Variants in LMNA observed in about 807,000 individuals in gnomAD.
The protein encoded by LMNA is lamin.
Under a neutral mutation model 70.4 loss-of-function variants are expected in LMNA, and 20 were observed. That is an observed-to-expected ratio of 0.28 (90% CI 0.20 to 0.41). The LOEUF is 0.41. Ranked by LOEUF, LMNA falls within the 10% of genes least tolerant of loss-of-function variation. The pLI is 1.00. For missense variants in LMNA, 652 were observed against 917.2 expected, an observed-to-expected ratio of 0.71 and a Z score of 3.73; for synonymous variants, 339 against 372.8, an observed-to-expected ratio of 0.91 and a Z score of 1.04.
In LMNA at chr1:156,137,489, G is replaced by T; in HGVS notation, c.1609-165G>T. 1.3e-6 allele frequency: 1 copy of T among 797,534 alleles called. No homozygotes were observed. The allele number at this position is 797,534 out of a possible 1,614,324, so 49.4% of individuals were successfully genotyped here. A position where few individuals can be genotyped will look rare whatever the true frequency, so the allele number is the denominator to read the frequency against. The stretch of plus-strand genomic sequence containing the variant: ...CGGAGAGCTTGACAGTGTCCCTCTG[G>T]GGTGGAAATGAGTTCCTTAGCTCCA... On this transcript the variant is annotated intron_variant, in intron 9 of 11. Transcript: ENST00000368300. This position sits in a 1 kb window ranked among gnomAD's most constrained non-coding sequence, Gnocchi z 4.6.
chr1:156,128,194 C>T (rs149902086), intron 1 of LMNA, among the ~76,000 whole-genome samples: 60 of 152,240 alleles, frequency 3.9e-4, no homozygotes, highest in African/African-American at 1.4e-3. Context: ...GTGCTTGGTA[C>T]CTAATAAGCT....
At position 156,136,073 on chromosome 1, in the gene LMNA, A is replaced by G. The variant is rs1229847240; in HGVS notation, c.1109A>G (p.Asp370Gly). ...CTTCTGGACATCAAGCTGGCCCTGG[A>G]CATGGAGATCCACGCCTACCGCAAG... The part of the protein sequence containing the change: ...QELLDIKLAL[D>G]MEIHAYRKLL... Residue 370 changes from aspartate to glycine, a missense_variant, in exon 6 of 12, where the codon GAC (aspartate) becomes GGC (glycine). By Grantham distance (94) the Asp-to-Gly change is moderately conservative. Around this residue, in one of 4 missense-constraint regions of LMNA, gnomAD observed 33 missense variants for 75.3 expected, o/e 0.44. Transcript: ENST00000368300. This position sits in a 1 kb window ranked among gnomAD's most constrained non-coding sequence, Gnocchi z 6.1. The G allele has an allele frequency of 6.2e-7, 1 of 1,614,080 alleles. No individual in the cohort carries two copies. Among genetic ancestry groups the G allele is most frequent in the Admixed American group, 1.7e-5 (1 of 59,994 alleles).
chr1:156,130,551 G>A (rs1315579182), intron 1 of LMNA, 66 bp from the exon 2 acceptor site: 3 of 1,564,310 alleles, frequency 1.9e-6, no homozygotes, highest in East Asian at 4.5e-5. Flanking sequence ...TGACCTCCTG[G>A]GAGCCTGGCA....
At chr1:156,098,311 T>C (rs1649015433) in intron 3 of LMNA, among the ~76,000 whole-genome samples, 1 of 152,216 alleles carries the variant, frequency 6.6e-6, no homozygotes. Flanking sequence ...AGCAAGTTAA[T>C]GGAAGAGTGA....
chr1:156,101,462 A>G (rs1254257444), intron 3 of LMNA, among the ~76,000 whole-genome samples: 1 of 152,206 alleles, frequency 6.6e-6, no homozygotes, highest in Admixed American at 6.5e-5. Context: ...AATGCACTCC[A>G]GCCTGCTGGA....
intron 3 of LMNA, among the ~76,000 whole-genome samples, chr1:156,106,378 G>T (rs1382087832): frequency 6.6e-6 from 1 of 152,210 alleles, no homozygotes; most frequent in East Asian, 1.9e-4. Context: ...TGTTTCCTTG[G>T]CAACAGGGAA....
At chr1:156,126,155 GC>G in intron 1 of LMNA, 1 of 1,519,164 alleles carries the variant, frequency 6.6e-7, no homozygotes, top group Non-Finnish European at 8.8e-7. Context: ...ATGCCCAGGG[GC>G]TGGGAGACCC....
rs375432528 is a variant in LMNA, at chr1:156,130,554, G to A, written c.357-63G>A. ...AGCCCCCATGGCTGACCTCCTGGGA[G>A]CCTGGCACTGTCTAGGCACACAGAC... On this transcript the variant is annotated intron_variant, in intron 1 of 11. Transcript: ENST00000368300. 1.7e-4 allele frequency: 266 copies of A among 1,576,280 alleles called. 2 individuals are homozygous for A. In the South Asian group the frequency reaches 2.3e-3, roughly 13 times the overall value.
rs376090149 is a variant in LMNA at position 156,103,723 on chromosome 1, C to T, written c.-206-10990C>T. On this transcript the variant is annotated intron_variant, in intron 3 of 12. Transcript: ENST00000368301. The surrounding 1 kb of genome is among the most constrained non-coding windows in gnomAD (Gnocchi z 4.7). ...AGTGGCATGTCCTGCCCCTGCTGTG[C>T]CTGTGCCAACAACAGCCCACATCAC... Among the ~76,000 whole-genome samples, 282 of 152,270 alleles carry T rather than the reference C, an allele frequency of 1.9e-3. No individual in the cohort carries two copies. The highest frequency in any genetic ancestry group is 0.013 in the South Asian group (63 of 4,828).
At chr1:156,094,539 A>G (rs193224432) in intron 3 of LMNA, among the ~76,000 whole-genome samples, 36 of 152,056 alleles carry the variant, frequency 2.4e-4, no homozygotes, top group African/African-American at 7.7e-4. Flanking sequence ...GGGTTTTACC[A>G]TATTGGCCAG....
Position 156,137,989 on chromosome 1 carries a change from T to C in LMNA, c.1698+246T>C. ...TTTCTGATGCCATGGAATATTCCTG[T>C]GGGAGCAGTGGACAAGGGTCTGGAT... On this transcript the variant is annotated intron_variant, in intron 10 of 11. Coordinates refer to ENST00000368300, the MANE Select transcript of LMNA (RefSeq NM_170707.4). The surrounding 1 kb of genome is among the most constrained non-coding windows in gnomAD (Gnocchi z 4.6). The C allele has an allele frequency of 1.3e-6, 1 of 743,644 alleles. No homozygotes were observed. The highest frequency in any genetic ancestry group is 2.1e-6 in the Non-Finnish European group (1 of 471,758). The allele number at this position is 743,644 out of a possible 1,614,324, so 46.1% of individuals were successfully genotyped here.
chr1:156,096,152 T>C (rs1648928776), intron 3 of LMNA, among the ~76,000 whole-genome samples: 1 of 152,220 alleles, frequency 6.6e-6, no homozygotes, highest in Non-Finnish European at 1.5e-5. Context: ...CTTCTGGGTG[T>C]TCCTTTTTGG....
chr1:156,087,400 G>A (rs61813325), intron 2 of LMNA, among the ~76,000 whole-genome samples: 3 of 151,698 alleles, frequency 2.0e-5, no homozygotes, highest in South Asian at 2.1e-4. Context: ...CTGCCACCAC[G>A]CCCGGCTAAT....
At chr1:156,129,786 C>T (rs761767683) in intron 1 of LMNA, 13 of 727,554 alleles carry the variant, frequency 1.8e-5, no homozygotes, top group Middle Eastern at 3.3e-4. Context: ...CAGCGCTGTT[C>T]GACTGGTTAT....
intron 1 of LMNA, among the ~76,000 whole-genome samples, chr1:156,122,217 T>G (rs978959126): frequency 5.3e-5 from 8 of 152,208 alleles, no homozygotes; most frequent in Non-Finnish European, 1.0e-4. Flanking sequence ...CTTAGTTCTG[T>G]GTGTGGCCCT....
intron 1 of LMNA, among the ~76,000 whole-genome samples, chr1:156,124,024 G>C (rs1311807322): frequency 6.6e-6 from 1 of 152,232 alleles, no homozygotes; most frequent in Non-Finnish European, 1.5e-5. Context: ...TGGGAGCCTA[G>C]TGGCTCTGGT....
intron 1 of LMNA, among the ~76,000 whole-genome samples, chr1:156,123,706 G>A (rs937433955): frequency 1.3e-5 from 2 of 152,192 alleles, no homozygotes; most frequent in Admixed American, 6.5e-5. Context: ...AGGCCAGGAA[G>A]AAGGAAAGTG....
intron 3 of LMNA, among the ~76,000 whole-genome samples, chr1:156,102,388 A>T (rs1470069519): frequency 6.6e-6 from 1 of 152,162 alleles, no homozygotes; most frequent in Admixed American, 6.5e-5. Context: ...ACACCCAGGC[A>T]GGGCAAGGGC....
At position 156,097,270 on chromosome 1, in the gene LMNA, A is replaced by C. The variant is rs572968702; in HGVS notation, c.-207+6688A>C. Among the ~76,000 whole-genome samples, 7 of 152,220 alleles carry C rather than the reference A, an allele frequency of 4.6e-5. No homozygotes were observed. The East Asian group carries it at 1.4e-3, about 29-fold the overall frequency. On this transcript the variant is annotated intron_variant, in intron 3 of 12. Transcript: ENST00000368301. Reference sequence around the variant, plus strand: ...CCCCAGGGCCCGCAAGCAGTGATTCACCACAGGAAAGGGAAGGCTGCAGAG... The same window carrying C: ...CCCCAGGGCCCGCAAGCAGTGATTCCCCACAGGAAAGGGAAGGCTGCAGAG...
Sources: gnomAD v4.1 joint callset for allele counts (sites outside exome capture counted in the v4.1 genomes callset) on GRCh38, gnomAD v4.1.1 for gene constraint, gnomAD v4.1.1 regional missense constraint, Gnocchi (gnomAD v3.1) non-coding constraint, MANE v1.5 for transcripts, NCBI Gene and HGNC (gene_info 2026-07-23, HGNC 2026-07-21) for gene names.